CLASP1: variants seen among roughly 807,000 people sequenced by gnomAD.
The protein encoded by CLASP1 is cytoplasmic linker associated protein 1, also known as CLIP-associating protein 1.
A neutral mutation model predicts 192.3 loss-of-function variants in CLASP1; 38 were observed. The ratio of observed to expected loss-of-function variants is 0.20; its 90% CI spans 0.15 to 0.26. CLASP1 has a LOEUF of 0.26. CLASP1 is among the 10% of genes least tolerant of loss of function. The pLI, the probability that CLASP1 is intolerant of heterozygous loss-of-function variation, is 1.00. For synonymous variants in CLASP1, 691 were observed against 712.8 expected (o/e 0.97, Z 0.49); for missense variants, 1,433 against 1,932.5 (o/e 0.74, Z 4.85).
At chr2:121,384,193 CAT>C (rs1331787810) in intron 32 of CLASP1, among the ~76,000 whole-genome samples, 16 of 147,184 alleles carry the variant, frequency 1.1e-4, no homozygotes, top group South Asian at 1.1e-3. Flanking sequence ...CACACACACA[CAT>C]TTTTTGTTTT....
intron 16 of CLASP1, among the ~76,000 whole-genome samples, 169 bp downstream of exon 16, chr2:121,450,744 T>C (rs1239768542): frequency 6.6e-6 from 1 of 152,230 alleles, no homozygotes; most frequent in African/African-American, 2.4e-5. Context: ...TTGAGTGATG[T>C]TATTAAAAAA....
chr2:121,529,452 A>G (rs756549929), intron 3 of CLASP1, among the ~76,000 whole-genome samples: 8 of 152,214 alleles, frequency 5.3e-5, no homozygotes, highest in Non-Finnish European at 8.8e-5. Context: ...TTAAATTTGT[A>G]AACAGTCGGT....
intron 33 of CLASP1, among the ~76,000 whole-genome samples, chr2:121,378,491 A>G (rs879388509): frequency 3.9e-5 from 6 of 152,172 alleles, no homozygotes; most frequent in Non-Finnish European, 7.3e-5. Context: ...GTTTGTCAAC[A>G]AGTGCCTTTT....
intron 2 of CLASP1, among the ~76,000 whole-genome samples, chr2:121,594,155 C>T (rs1187794639): frequency 1.3e-5 from 2 of 149,296 alleles, no homozygotes; most frequent in Non-Finnish European, 3.0e-5. Flanking sequence ...AAAAAATTAG[C>T]CGGGCGTGGT....
chr2:121,573,078 G>T (rs896011488), intron 2 of CLASP1, among the ~76,000 whole-genome samples: 1 of 152,136 alleles, frequency 6.6e-6, no homozygotes, highest in African/African-American at 2.4e-5. Context: ...TCCTGCCTTG[G>T]CCTCTCTAGT....
chr2:121,495,941 T>C (rs1049021607), intron 8 of CLASP1, among the ~76,000 whole-genome samples: 2 of 152,206 alleles, frequency 1.3e-5, no homozygotes, highest in Non-Finnish European at 2.9e-5. Context: ...ATTTTACAGA[T>C]GAGCAAATGT....
intron 2 of CLASP1, chr2:121,602,979 G>A (rs554305404): frequency 5.3e-5 from 8 of 152,130 alleles, no homozygotes; most frequent in Admixed American, 3.9e-4. Context: ...AAACTAAAAA[G>A]CTTCAGGGCA....
intron 23 of CLASP1, among the ~76,000 whole-genome samples, chr2:121,416,032 C>T (rs899701001): frequency 1.3e-5 from 2 of 152,216 alleles, no homozygotes. Flanking sequence ...GGTAAAATAT[C>T]TTAAGACTGA....
At chr2:121,531,177 T>G (rs981375750) in intron 2 of CLASP1, among the ~76,000 whole-genome samples, 4 of 152,116 alleles carry the variant, frequency 2.6e-5, no homozygotes, top group Non-Finnish European at 5.9e-5. Flanking sequence ...TCAACAGAAC[T>G]TCACCCCTTT....
intron 2 of CLASP1, among the ~76,000 whole-genome samples, chr2:121,597,282 A>C (rs2063250682): frequency 2.0e-5 from 3 of 152,226 alleles, no homozygotes; most frequent in Admixed American, 2.0e-4. Flanking sequence ...AAAAATGAAC[A>C]CATATTTAGC....
intron 19 of CLASP1, chr2:121,445,035 G>T: frequency 2.1e-6 from 2 of 958,918 alleles, no homozygotes; most frequent in Non-Finnish European, 3.0e-6. Context: ...TTAAAAAGCC[G>T]AATGTTATTA....
intron 1 of CLASP1, among the ~76,000 whole-genome samples, chr2:121,624,940 G>T (rs1380307846): frequency 6.6e-6 from 1 of 152,116 alleles, no homozygotes; most frequent in East Asian, 1.9e-4. Flanking sequence ...TTCAGTGTGT[G>T]TAGTTTAATT....
intron 2 of CLASP1, chr2:121,530,874 T>C (rs544898312): frequency 6.0e-5 from 41 of 684,386 alleles, no homozygotes; most frequent in East Asian, 2.4e-4. Context: ...AGGGACTTTC[T>C]ATTATAACCA....
chr2:121,507,749 A>G (rs1409864818), intron 7 of CLASP1, among the ~76,000 whole-genome samples: 2 of 152,102 alleles, frequency 1.3e-5, no homozygotes, highest in Non-Finnish European at 2.9e-5. Context: ...AGAGAAGACA[A>G]AGAGAAAATC....
intron 26 of CLASP1, 177 bp downstream of exon 27, chr2:121,404,194 A>T: frequency 1.3e-6 from 1 of 785,024 alleles, no homozygotes; most frequent in Non-Finnish European, 1.5e-6. Context: ...ATGCACATTT[A>T]AGTTTCCAAG....
chr2:121,638,784 C>T (rs1246082242), intron 1 of CLASP1, among the ~76,000 whole-genome samples: 1 of 151,792 alleles, frequency 6.6e-6, no homozygotes, highest in Non-Finnish European at 1.5e-5. Context: ...TCTCCTGCCT[C>T]AGCCTCCCAA....
At chr2:121,364,944 G>C in intron 36 of CLASP1, 150 bp downstream of exon 37, 1 of 789,238 alleles carries the variant, frequency 1.3e-6, no homozygotes, top group Non-Finnish European at 2.1e-6. Flanking sequence ...AACGTGCTCA[G>C]AAAATATGTG....
At chr2:121,549,718 A>AAAAAAAG (rs2057832099) in intron 2 of CLASP1, among the ~76,000 whole-genome samples, 1 of 151,574 alleles carries the variant, frequency 6.6e-6, no homozygotes, top group Admixed American at 6.6e-5. Flanking sequence ...AAAAAAAAAA[A>AAAAAAAG]AAAAAGGCCT....
chr2:121,579,414 A>G (rs990104508), intron 2 of CLASP1, among the ~76,000 whole-genome samples: 2 of 152,238 alleles, frequency 1.3e-5, no homozygotes, highest in Non-Finnish European at 2.9e-5. Flanking sequence ...TTGTGCAGCC[A>G]TCACCACTAA....
Sources: allele counts gnomAD v4.1 joint callset (sites outside exome capture counted in the v4.1 genomes callset), GRCh38; gene constraint gnomAD v4.1.1; transcripts MANE v1.5; gene names NCBI Gene and HGNC (gene_info 2026-07-23, HGNC 2026-07-21).